The following PCNX1 variants were observed in gnomAD, a reference collection of about 807,000 sequenced individuals.
PCNX1 encodes the protein pecanex 1.
PCNX1 carries 78 observed loss-of-function variants against 242.2 expected under a neutral mutation model. That is an observed-to-expected ratio of 0.32 (90% CI 0.27 to 0.39). The LOEUF (loss-of-function observed/expected upper bound fraction) is 0.39. Ranked by LOEUF, PCNX1 falls within the 10% of genes least tolerant of loss-of-function variation. The pLI, the probability that PCNX1 is intolerant of heterozygous loss-of-function variation, is 1.00. For missense variants in PCNX1, 2,581 were observed against 2,856.5 expected (o/e 0.90, Z 2.20); for synonymous variants, 1,024 against 1,032.9 (o/e 0.99, Z 0.17).
chr14:71,032,083 T>C, intron 16 of PCNX1: 1 of 639,178 alleles, frequency 1.6e-6, no homozygotes, highest in Non-Finnish European at 2.8e-6. Flanking sequence ...AGAGAGAAAG[T>C]TTCCTCATGC....
At chr14:70,979,694 A>G (rs1406699839) in intron 6 of PCNX1, among the ~76,000 whole-genome samples, 2 of 152,104 alleles carry the variant, frequency 1.3e-5, no homozygotes, top group African/African-American at 4.8e-5. Context: ...ACATATGAAT[A>G]TATGCTTTTT....
At chr14:71,103,102 CTTATT>C (rs1210878803) in intron 31 of PCNX1, among the ~76,000 whole-genome samples, 2 of 152,140 alleles carry the variant, frequency 1.3e-5, no homozygotes, top group Admixed American at 1.3e-4. Context: ...TGTCTATAGT[CTTATT>C]TATCAGTGCT....
chr14:71,092,484 C>T (rs1397381502), intron 30 of PCNX1: 3 of 152,250 alleles, frequency 2.0e-5, no homozygotes, highest in African/African-American at 4.8e-5. Flanking sequence ...TTAAAAATGT[C>T]AAGATAACAG....
At chr14:70,926,011 T>C (rs2056578049) in intron 1 of PCNX1, among the ~76,000 whole-genome samples, 1 of 152,192 alleles carries the variant, frequency 6.6e-6, no homozygotes, top group African/African-American at 2.4e-5. Flanking sequence ...TTCAGTGTAT[T>C]CCGGGATCCA....
At chr14:70,989,564 C>G (rs1453403986) in intron 7 of PCNX1, among the ~76,000 whole-genome samples, 1 of 133,922 alleles carries the variant, frequency 7.5e-6, no homozygotes, top group Admixed American at 8.1e-5. Context: ...TTGAGACACT[C>G]TGTTGCCCAG....
chr14:71,096,633 T>C (rs1416976253), intron 30 of PCNX1, among the ~76,000 whole-genome samples: 1 of 152,282 alleles, frequency 6.6e-6, no homozygotes, highest in East Asian at 1.9e-4. Flanking sequence ...TCTCTGCTTG[T>C]ATAGGAAAAT....
intron 5 of PCNX1, among the ~76,000 whole-genome samples, chr14:70,976,372 CTT>C (rs869087088): frequency 4.8e-5 from 4 of 82,672 alleles, no homozygotes; most frequent in African/African-American, 4.6e-5. Context: ...TTCTTTCTTT[CTT>C]TTTTTTTTTT....
rs2056026687 is a variant in PCNX1 at position 70,913,691 on chromosome 14, TTTTC to T, written c.153+5693_153+5696del. ...GGATTACGCTAAAGCTCTCAGGTCA[TTTTC>T]TTTCCCCCAATTTAAAAGTATTTAA... On this transcript the variant is annotated intron_variant, in intron 1 of 35. Coordinates refer to ENST00000304743, the MANE Select transcript of PCNX1 (RefSeq NM_014982.3). Among the ~76,000 whole-genome samples, 3 of 152,292 alleles carry T rather than the reference TTTTC, an allele frequency of 2.0e-5. No individual in the cohort carries two copies. The South Asian group carries it at 6.2e-4, about 32-fold the overall frequency.
intron 1 of PCNX1, among the ~76,000 whole-genome samples, chr14:70,927,537 C>T (rs2056636156): frequency 6.6e-6 from 1 of 151,926 alleles, no homozygotes; most frequent in Non-Finnish European, 1.5e-5. Context: ...ATACTTTTTA[C>T]AGTTTATATA....
chr14:70,951,369 G>A (rs1209012625), intron 2 of PCNX1, among the ~76,000 whole-genome samples: 1 of 151,568 alleles, frequency 6.6e-6, no homozygotes, highest in African/African-American at 2.4e-5. Context: ...TTTTTGGGGG[G>A]CGGGGGTTGG....
At chr14:71,001,337 T>C (rs1469519767) in intron 8 of PCNX1, among the ~76,000 whole-genome samples, 8 of 152,184 alleles carry the variant, frequency 5.3e-5, no homozygotes, top group East Asian at 1.9e-4. Context: ...GGCTTTGATA[T>C]ATACTGTTAA....
intron 8 of PCNX1, among the ~76,000 whole-genome samples, chr14:70,997,354 C>T (rs371187853): frequency 6.6e-6 from 1 of 152,032 alleles, no homozygotes; most frequent in East Asian, 1.9e-4. Flanking sequence ...CATTTTAATC[C>T]CTTTCAGAGT....
intron 7 of PCNX1, among the ~76,000 whole-genome samples, chr14:70,994,832 A>G (rs1277038219): frequency 3.3e-5 from 5 of 151,962 alleles, no homozygotes; most frequent in South Asian, 2.1e-4. Flanking sequence ...AAGTTAATAT[A>G]GTCTCTTAAT....
intron 26 of PCNX1, among the ~76,000 whole-genome samples, chr14:71,065,055 T>C (rs1271872459): frequency 1.3e-5 from 2 of 152,256 alleles, no homozygotes; most frequent in Non-Finnish European, 2.9e-5. Flanking sequence ...TCTTTGCTGT[T>C]GTTAACAGTG....
intron 1 of PCNX1, among the ~76,000 whole-genome samples, chr14:70,937,459 T>C (rs1237068277): frequency 6.6e-6 from 1 of 152,230 alleles, no homozygotes; most frequent in Non-Finnish European, 1.5e-5. Flanking sequence ...TGCGGTATTA[T>C]TTCTGAGGGC....
At chr14:71,088,497 T>A (rs1406702743) in intron 29 of PCNX1, 67 bp downstream of exon 29, 80 of 908,538 alleles carry the variant, frequency 8.8e-5, no homozygotes, top group Non-Finnish European at 1.8e-6. Context: ...TCTAAAATGA[T>A]TTTTCATGGA....
At chr14:71,098,553 T>TGTGTGTGTGTGTGAGAGA in intron 30 of PCNX1, among the ~76,000 whole-genome samples, 1 of 125,668 alleles carries the variant, frequency 8.0e-6, no homozygotes, top group Non-Finnish European at 1.6e-5. Context: ...TGTGTGTGTG[T>TGTGTGTGTGTGTGAGAGA]GAGAGAGAGA....
chr14:71,015,721 G>A (rs1365345589), intron 11 of PCNX1, among the ~76,000 whole-genome samples: 1 of 152,088 alleles, frequency 6.6e-6, no homozygotes, highest in Non-Finnish European at 1.5e-5. Flanking sequence ...TCAAAAAGGA[G>A]ATAAGATGGA....
intron 25 of PCNX1, among the ~76,000 whole-genome samples, chr14:71,056,992 T>A (rs1201895338): frequency 6.6e-6 from 1 of 152,156 alleles, no homozygotes; most frequent in African/African-American, 2.4e-5. Context: ...TGTCTTTTTT[T>A]AAGGTTCTCT....
Sources: gnomAD v4.1 joint callset for allele counts (sites outside exome capture counted in the v4.1 genomes callset) on GRCh38, gnomAD v4.1.1 for gene constraint, MANE v1.5 for transcripts, NCBI Gene and HGNC (gene_info 2026-07-23, HGNC 2026-07-21) for gene names.